UBE2W: variants seen among roughly 807,000 people sequenced by gnomAD.
UBE2W encodes ubiquitin conjugating enzyme E2 W.
Under a neutral mutation model 27.2 loss-of-function variants are expected in UBE2W, and 18 were observed. The observed-to-expected ratio is 0.66, with a 90% CI of 0.46 to 0.98. The LOEUF is 0.98. UBE2W is among the 50% of genes least tolerant of loss of function. UBE2W has a pLI of 0.00. For missense variants in UBE2W, 90 were observed against 180.2 expected (o/e 0.50, Z 2.87); for synonymous variants, 53 against 57.2 (o/e 0.93, Z 0.33).
At chr8:73,796,740 A>G (rs1029288630) in intron 5 of UBE2W, 1 of 799,254 alleles carries the variant, frequency 1.3e-6, no homozygotes, top group Admixed American at 6.2e-5. Flanking sequence ...AGATACAACT[A>G]TGAGCCAAAG....
downstream of UBE2W, among the ~76,000 whole-genome samples, chr8:73,785,167 G>A (rs1264774001): frequency 6.6e-6 from 1 of 152,044 alleles, no homozygotes; most frequent in East Asian, 1.9e-4. Context: ...ATTTTTTTTA[G>A]ATGGAGTCTT....
intron 5 of UBE2W, 70 bp downstream of exon 5, chr8:73,805,581 G>T: frequency 3.3e-6 from 3 of 906,806 alleles, no homozygotes; most frequent in Non-Finnish European, 3.1e-6. Flanking sequence ...TTTTTCCCAA[G>T]TCTTATAGCA....
At chr8:73,781,619 G>GTTTTTTTTTTTTTTTT (rs112691687), downstream of UBE2W, among the ~76,000 whole-genome samples, 1 of 140,880 alleles carries the variant, frequency 7.1e-6, no homozygotes, top group Non-Finnish European at 1.5e-5. Context: ...TCAGGTTTGG[G>GTTTTTTTTTTTTTTTT]TTTTTTTTTT....
intron 1 of UBE2W, among the ~76,000 whole-genome samples, chr8:73,842,729 A>T (rs1810597796): frequency 6.6e-6 from 1 of 152,110 alleles, no homozygotes; most frequent in Non-Finnish European, 1.5e-5. Flanking sequence ...ATTATTTTGT[A>T]CTTGGAAATG....
At chr8:73,838,807 A>G (rs1371358386) in intron 1 of UBE2W, among the ~76,000 whole-genome samples, 3 of 152,204 alleles carry the variant, frequency 2.0e-5, no homozygotes, top group Non-Finnish European at 2.9e-5. Context: ...GCTTCACATC[A>G]AAGGTCAATC....
chr8:73,805,768 A>C lies in UBE2W; in HGVS notation c.367-42T>G, dbSNP rs759946383. 19 of 1,206,792 alleles carry C rather than the reference A, an allele frequency of 1.6e-5. No individual in the cohort carries two copies. Among genetic ancestry groups the C allele is most frequent in the East Asian group, 2.6e-5 (1 of 38,900 alleles). 74.8% of individuals were successfully genotyped at this position (1,206,792 alleles called of 1,614,324 possible). ...TTTAAATAGGTTGAAAAACAGAAAA[A>C]CTGAGAGGGTGACAGTTTTAATAAA... is the stretch of plus-strand genomic sequence containing the variant. On this transcript the variant is annotated intron_variant, in intron 4 of 5. Coordinates refer to ENST00000602593, the MANE Select transcript of UBE2W (RefSeq NM_018299.6).
chr8:73,876,955 G>A (rs1586560575), intron 1 of UBE2W, among the ~76,000 whole-genome samples: 1 of 152,004 alleles, frequency 6.6e-6, no homozygotes, highest in East Asian at 1.9e-4. Flanking sequence ...CAACAAGAGC[G>A]AAACTCCATC....
Position 73,791,361 on chromosome 8 carries a change from CAGA to C in UBE2W, c.*2738_*2740del. ...ACTGTCTTAATAGAATTTGGCAAACCAGAAGAATGGCCTAAAAATAAATAAATA... is the reference window on the plus strand; with the variant it reads ...ACTGTCTTAATAGAATTTGGCAAACCAGAATGGCCTAAAAATAAATAAATA... On this transcript the variant is annotated 3_prime_UTR_variant, in exon 6 of 6. Coordinates refer to ENST00000602593, the MANE Select transcript of UBE2W (RefSeq NM_018299.6). The C allele has an allele frequency of 1.2e-5, 12 of 982,480 alleles. No homozygotes were observed. Among genetic ancestry groups the C allele is most frequent in the Non-Finnish European group, 1.4e-5 (12 of 829,122 alleles). The allele number at this position is 982,480 out of a possible 1,614,324, so 60.9% of individuals were successfully genotyped here.
chr8:73,840,266 C>T (rs953757319), intron 1 of UBE2W, among the ~76,000 whole-genome samples: 19 of 151,734 alleles, frequency 1.3e-4, no homozygotes, highest in African/African-American at 3.9e-4. Flanking sequence ...CCATGTTAGC[C>T]GGGATGGTCT....
intron 5 of UBE2W, among the ~76,000 whole-genome samples, 177 bp downstream of exon 5, chr8:73,805,474 A>AAAAAAC (rs1808860043): frequency 6.9e-6 from 1 of 144,334 alleles, no homozygotes; most frequent in African/African-American, 2.5e-5. Context: ...AAAAAAAACA[A>AAAAAAC]AAAAAACTAG....
At chr8:73,864,304 G>T (rs1376937414) in intron 1 of UBE2W, among the ~76,000 whole-genome samples, 2 of 152,298 alleles carry the variant, frequency 1.3e-5, no homozygotes, top group Middle Eastern at 3.4e-3. Context: ...TAAGGCACGA[G>T]AATCACTTGA....
intron 3 of UBE2W, among the ~76,000 whole-genome samples, chr8:73,816,426 G>A (rs894674251): frequency 1.3e-5 from 2 of 151,944 alleles, no homozygotes; most frequent in Non-Finnish European, 2.9e-5. Context: ...AATCAGACCA[G>A]GAAAAAAAGA....
At chr8:73,870,381 A>T in intron 1 of UBE2W, 2 of 1,352,164 alleles carry the variant, frequency 1.5e-6, no homozygotes, top group East Asian at 5.0e-5. Flanking sequence ...TAGTGCAGGG[A>T]CTAGAAATCA....
chr8:73,824,114 T>C (rs1397699108), intron 3 of UBE2W, among the ~76,000 whole-genome samples: 1 of 152,200 alleles, frequency 6.6e-6, no homozygotes, highest in African/African-American at 2.4e-5. Context: ...ATTTTAAAAA[T>C]GAAGTGCTTT....
intron 1 of UBE2W, among the ~76,000 whole-genome samples, chr8:73,865,373 G>A (rs765719215): frequency 2.0e-5 from 3 of 149,862 alleles, no homozygotes; most frequent in Non-Finnish European, 1.5e-5. Context: ...AGCACTTTGG[G>A]AGGCTGAGGC....
chr8:73,788,322 C>T lies in UBE2W; in HGVS notation c.*5780G>A, dbSNP rs573803393. 6 of 985,274 alleles carry T rather than the reference C, an allele frequency of 6.1e-6. No homozygotes were observed. In the South Asian group the frequency reaches 1.4e-4, roughly 23 times the overall value. 61.0% of individuals were successfully genotyped at this position (985,274 alleles called of 1,614,324 possible). A position where few individuals can be genotyped will look rare whatever the true frequency, so the allele number is the denominator to read the frequency against. On this transcript the variant is annotated 3_prime_UTR_variant, in exon 6 of 6. Transcript: ENST00000602593. Reference sequence around the variant, plus strand: ...TGAGTTTATAAAATATATACATCCACCCTATTCAAATCCTCAAGCATGAGC... The same window carrying T: ...TGAGTTTATAAAATATATACATCCATCCTATTCAAATCCTCAAGCATGAGC...
intron 1 of UBE2W, among the ~76,000 whole-genome samples, chr8:73,876,096 TTCTTA>T (rs1287633879): frequency 1.3e-5 from 2 of 152,000 alleles, no homozygotes; most frequent in Admixed American, 6.6e-5. Context: ...AAATATGCTG[TTCTTA>T]TCTGTCTCTT....
chr8:73,847,169 A>G (rs559036058), intron 1 of UBE2W, among the ~76,000 whole-genome samples: 134 of 152,326 alleles, frequency 8.8e-4, no homozygotes, highest in Non-Finnish European at 1.7e-3. Flanking sequence ...ACTCTGTCTC[A>G]AAAAACAACT....
chr8:73,803,189 C>T (rs984592859), intron 5 of UBE2W, among the ~76,000 whole-genome samples: 2 of 152,088 alleles, frequency 1.3e-5, no homozygotes, highest in African/African-American at 2.4e-5. Context: ...GCACTCCAGC[C>T]TGGGCAACAG....
Sources: allele counts gnomAD v4.1 joint callset (sites outside exome capture counted in the v4.1 genomes callset), GRCh38; gene constraint gnomAD v4.1.1; transcripts MANE v1.5; gene names NCBI Gene and HGNC (gene_info 2026-07-23, HGNC 2026-07-21).